LIN28B: variants seen among roughly 807,000 people sequenced by gnomAD.
The protein encoded by LIN28B is lin-28 RNA binding posttranscriptional regulator B.
A neutral mutation model predicts 21.9 loss-of-function variants in LIN28B; 5 were observed. That is an observed-to-expected ratio of 0.23 (90% confidence interval 0.12 to 0.48). The LOEUF is 0.48. Ranked by LOEUF, LIN28B falls within the 20% of genes least tolerant of loss-of-function variation. The pLI, the probability that LIN28B is intolerant of heterozygous loss-of-function variation, is 0.98. For missense variants in LIN28B, 245 were observed against 310.5 expected (o/e 0.79, Z 1.58); for synonymous variants, 109 against 111.3 (o/e 0.98, Z 0.13).
At chr6:104,955,851 CT>C (rs1394538008), upstream of LIN28B, among the ~76,000 whole-genome samples, 6 of 151,950 alleles carry the variant, frequency 3.9e-5, no homozygotes, top group Non-Finnish European at 7.4e-5. Flanking sequence ...GAAATAAAGT[CT>C]TTTTAGTTAA....
chr6:104,985,059 G>C (rs1024028704), intron 2 of LIN28B, among the ~76,000 whole-genome samples: 77 of 152,258 alleles, frequency 5.1e-4, no homozygotes, highest in African/African-American at 1.9e-3. Flanking sequence ...CCAATTTTAA[G>C]CTACCAGTGT....
chr6:104,960,572 GT>G (rs1316636320), intron 2 of LIN28B, among the ~76,000 whole-genome samples: 4 of 151,364 alleles, frequency 2.6e-5, no homozygotes, highest in South Asian at 2.1e-4. Context: ...ATATGACATA[GT>G]TTTTTTTGAA....
intron 3 of LIN28B, among the ~76,000 whole-genome samples, chr6:105,077,841 A>G (rs1582936681): frequency 6.6e-6 from 1 of 152,206 alleles, no homozygotes; most frequent in African/African-American, 2.4e-5. Flanking sequence ...TTATATATCA[A>G]ATTTCACTGC....
At chr6:105,041,747 T>A (rs1771642484) in intron 3 of LIN28B, among the ~76,000 whole-genome samples, 1 of 152,200 alleles carries the variant, frequency 6.6e-6, no homozygotes, top group African/African-American at 2.4e-5. Flanking sequence ...ACATGGGATC[T>A]TGCTTAAAAT....
chr6:105,072,551 G>A (rs1165430957), intron 3 of LIN28B, among the ~76,000 whole-genome samples: 4 of 152,040 alleles, frequency 2.6e-5, no homozygotes, highest in African/African-American at 9.7e-5. Context: ...AACTTTTCTG[G>A]TGTTAAATGT....
At chr6:104,939,934 GGAGAGAAA>G (rs1326137077) in intron 2 of LIN28B, among the ~76,000 whole-genome samples, 1 of 152,144 alleles carries the variant, frequency 6.6e-6, no homozygotes, top group Non-Finnish European at 1.5e-5. Flanking sequence ...GAAAATTATA[GGAGAGAAA>G]GCAGTGATAT....
chr6:105,070,491 A>G (rs1374152795), intron 3 of LIN28B, among the ~76,000 whole-genome samples: 1 of 152,064 alleles, frequency 6.6e-6, no homozygotes, highest in Non-Finnish European at 1.5e-5. Context: ...AATGCCTGTA[A>G]TCCTAGCACA....
intron 2 of LIN28B, among the ~76,000 whole-genome samples, chr6:104,943,965 T>A (rs1778127692): frequency 6.6e-6 from 1 of 152,162 alleles, no homozygotes; most frequent in Non-Finnish European, 1.5e-5. Context: ...GTTGGATTTC[T>A]CTGACACAAT....
chr6:104,994,565 A>G (rs938023393), intron 2 of LIN28B, among the ~76,000 whole-genome samples: 1 of 152,234 alleles, frequency 6.6e-6, no homozygotes, highest in African/African-American at 2.4e-5. Context: ...GAAAATTTGT[A>G]TATTGGAATC....
chr6:105,037,949 TG>T (rs1290862146), intron 3 of LIN28B, among the ~76,000 whole-genome samples: 2 of 152,124 alleles, frequency 1.3e-5, no homozygotes, highest in African/African-American at 4.8e-5. Flanking sequence ...AGAGTAAGAT[TG>T]GACCCCTACC....
At chr6:104,980,206 TTA>T (rs1770190410) in intron 2 of LIN28B, among the ~76,000 whole-genome samples, 1 of 152,208 alleles carries the variant, frequency 6.6e-6, no homozygotes, top group South Asian at 2.1e-4. Flanking sequence ...CATAAAGTAA[TTA>T]TGTTATTAAA....
chr6:104,986,990 A>G (rs1318726149), intron 2 of LIN28B, among the ~76,000 whole-genome samples: 2 of 152,330 alleles, frequency 1.3e-5, no homozygotes, highest in Admixed American at 6.5e-5. Context: ...TTTTTCAGAC[A>G]TACCAAAGCA....
chr6:105,045,095 G>C (rs568794632), intron 3 of LIN28B, among the ~76,000 whole-genome samples: 1 of 152,004 alleles, frequency 6.6e-6, no homozygotes, highest in Non-Finnish European at 1.5e-5. Flanking sequence ...GAAGAAGCAG[G>C]TAACTAATCA....
chr6:105,003,048 G>T (rs966398588), intron 2 of LIN28B, among the ~76,000 whole-genome samples: 5 of 152,172 alleles, frequency 3.3e-5, no homozygotes, highest in African/African-American at 1.2e-4. Flanking sequence ...TCTCTAAATT[G>T]TAGGTTTAAA....
chr6:104,940,646 A>C (rs1243477183), intron 2 of LIN28B: 1 of 150,332 alleles, frequency 6.7e-6, no homozygotes, highest in East Asian at 2.0e-4. Flanking sequence ...CGGCTGACGC[A>C]GGGCTCCAGT....
rs777128042 is a variant in LIN28B at position 105,080,617 on chromosome 6, T to C, written c.*1834T>C. On this transcript the variant is annotated 3_prime_UTR_variant, in exon 4 of 4. Coordinates refer to ENST00000345080, the MANE Select transcript of LIN28B (RefSeq NM_001004317.4). Reference sequence around the variant, plus strand: ...GATGCAAAGCTTACCTTTGACGATATTGAATGTGATATAGCTGTAGAGAAG... The same window carrying C: ...GATGCAAAGCTTACCTTTGACGATACTGAATGTGATATAGCTGTAGAGAAG... The C allele has an allele frequency of 2.0e-5, 3 of 152,644 alleles. No homozygotes were observed. The highest frequency in any genetic ancestry group is 4.8e-5 in the African/African-American group (2 of 41,468). The allele number at this position is 152,644 out of a possible 1,614,324, so 9.5% of individuals were successfully genotyped here.
intron 2 of LIN28B, among the ~76,000 whole-genome samples, chr6:105,022,906 A>G (rs1186484690): frequency 2.6e-5 from 4 of 151,952 alleles, no homozygotes; most frequent in African/African-American, 4.8e-5. Flanking sequence ...TAGCAATCCA[A>G]TGAAGTGGAT....
intron 3 of LIN28B, among the ~76,000 whole-genome samples, chr6:105,060,766 A>G (rs1048469102): frequency 6.6e-6 from 1 of 152,216 alleles, no homozygotes; most frequent in Non-Finnish European, 1.5e-5. Flanking sequence ...ATGCAATGAT[A>G]AATGTAGAAC....
intron 2 of LIN28B, among the ~76,000 whole-genome samples, chr6:105,014,989 A>G (rs570737497): frequency 5.3e-5 from 8 of 151,832 alleles, no homozygotes; most frequent in Admixed American, 5.2e-4. Context: ...TATGGTTTCT[A>G]TTTTACTTCT....
Sources: allele counts gnomAD v4.1 joint callset (sites outside exome capture counted in the v4.1 genomes callset), GRCh38; gene constraint gnomAD v4.1.1; transcripts MANE v1.5; gene names NCBI Gene and HGNC (gene_info 2026-07-23, HGNC 2026-07-21).